USP10: variants seen among roughly 807,000 people sequenced by gnomAD.
USP10 encodes ubiquitin specific peptidase 10, also known as ubiquitin carboxyl-terminal hydrolase 10.
Under a neutral mutation model 84.5 loss-of-function variants are expected in USP10, and 22 were observed. That is an observed-to-expected ratio of 0.26 (90% CI 0.19 to 0.37). The LOEUF (loss-of-function observed/expected upper bound fraction) is 0.37. USP10 is among the 10% of genes least tolerant of loss of function. USP10 has a pLI of 1.00. For missense variants in USP10, 1,019 were observed against 998.9 expected, an observed-to-expected ratio of 1.02 and a Z score of -0.27; for synonymous variants, 454 against 387.6, an observed-to-expected ratio of 1.17 and a Z score of -2.01.
chr16:84,764,932 A>AGAGG (rs1555548042), intron 10 of USP10, among the ~76,000 whole-genome samples: 5 of 130,214 alleles, frequency 3.8e-5, no homozygotes, highest in African/African-American at 8.7e-5. Flanking sequence ...AGAGAGAGAG[A>AGAGG]AAAAAAAATA....
intron 1 of USP10, among the ~76,000 whole-genome samples, chr16:84,702,140 T>C (rs952177401): frequency 7.5e-6 from 1 of 133,672 alleles, no homozygotes; most frequent in Non-Finnish European, 1.5e-5. Context: ...CACTGCAACC[T>C]CTGCCTCCCG....
chr16:84,773,266 G>A (rs1379319674), intron 12 of USP10, among the ~76,000 whole-genome samples: 9 of 152,192 alleles, frequency 5.9e-5, no homozygotes, highest in Non-Finnish European at 1.0e-4. Flanking sequence ...TTGTGAAAAC[G>A]TATAGTACAA....
intron 12 of USP10, among the ~76,000 whole-genome samples, chr16:84,774,558 C>T (rs932893712): frequency 5.3e-5 from 8 of 152,074 alleles, no homozygotes; most frequent in Admixed American, 4.6e-4. Flanking sequence ...GCAACCTCTG[C>T]CTCCCGGGTT....
Position 84,764,939 on chromosome 16 carries a change from A to AATAT in USP10, c.1832+689_1832+692dup, listed in dbSNP as rs1555548056. Among the ~76,000 whole-genome samples, 414 of 132,264 alleles carry AATAT rather than the reference A, an allele frequency of 3.1e-3. 3 individuals are homozygous for AATAT. Among genetic ancestry groups the AATAT allele is most frequent in the African/African-American group, 0.011 (401 of 35,596 alleles). The allele number at this position is 132,264 out of a possible 152,430, so 86.8% of individuals were successfully genotyped here. The stretch of plus-strand genomic sequence containing the variant: ...TAACCACGAGAGAGAGAGAAAAAAA[A>AATAT]ATATATATATATATATTAGACTTCA... On this transcript the variant is annotated intron_variant, in intron 10 of 13. Transcript: ENST00000219473.
intron 1 of USP10, among the ~76,000 whole-genome samples, chr16:84,713,589 A>C (rs1272362240): frequency 6.6e-6 from 1 of 152,174 alleles, no homozygotes; most frequent in African/African-American, 2.4e-5. Flanking sequence ...TGGGGCCCCT[A>C]GTCCTAGAAT....
chr16:84,751,752 G>T (rs1288115385), intron 4 of USP10, among the ~76,000 whole-genome samples: 2 of 152,158 alleles, frequency 1.3e-5, no homozygotes, highest in Non-Finnish European at 2.9e-5. Context: ...AGAAAAGCAG[G>T]TCAACAACAC....
chr16:84,732,444 C>CTTCTT, intron 1 of USP10: 2 of 318,018 alleles, frequency 6.3e-6, no homozygotes, highest in South Asian at 2.4e-5. Flanking sequence ...TCTTCTTCTT[C>CTTCTT]TTTTTTTTTT....
In USP10 at chr16:84,758,804, T is replaced by C. The variant is rs1222988159; in HGVS notation, c.1281T>C (p.Asn427=). 6.2e-7 allele frequency: 1 copy of C among 1,612,078 alleles called. No homozygotes were observed. Among genetic ancestry groups the C allele is most frequent in the Non-Finnish European group, 8.5e-7 (1 of 1,178,224 alleles). ...ATAAAGGGAACTGGTGCTACATTAA[T>C]GCTGTATCCTTCCTGGACGCCGTCC... is the stretch of plus-strand genomic sequence containing the variant. The part of the protein sequence containing the change: ...LINKGNWCYI[N]ATLQALVACP... Residue 427 remains asparagine, a synonymous_variant, in exon 5 of 14, where the codon AAT becomes AAC. Coordinates refer to ENST00000219473, the MANE Select transcript of USP10 (RefSeq NM_005153.3).
chr16:84,751,538 G>A (rs897285179), intron 4 of USP10, among the ~76,000 whole-genome samples: 4 of 152,186 alleles, frequency 2.6e-5, no homozygotes, highest in South Asian at 2.1e-4. Flanking sequence ...CATCTGATTC[G>A]ATGTTTGTAG....
chr16:84,724,266 A>G (rs1295813887), intron 1 of USP10, among the ~76,000 whole-genome samples: 2 of 152,200 alleles, frequency 1.3e-5, no homozygotes, highest in African/African-American at 2.4e-5. Context: ...TGTTAAGTGA[A>G]TCATGTTTTC....
At chr16:84,758,927 G>A (rs1597378990) in intron 5 of USP10, 120 bp downstream of exon 5, 1 of 738,508 alleles carries the variant, frequency 1.4e-6, no homozygotes, top group Non-Finnish European at 2.4e-6. Flanking sequence ...CCCTAAGTCT[G>A]GTTTATTACT....
chr16:84,757,328 A>G (rs534369948), intron 4 of USP10, among the ~76,000 whole-genome samples: 2 of 152,064 alleles, frequency 1.3e-5, no homozygotes, highest in African/African-American at 4.8e-5. Context: ...GCTAGCAGAA[A>G]TTATTCCCTA....
At chr16:84,700,191 C>G in intron 1 of USP10, 80 bp downstream of exon 1, 22 of 1,090,476 alleles carry the variant, frequency 2.0e-5, no homozygotes, top group Non-Finnish European at 2.2e-5. Context: ...GGCGTCCGCG[C>G]CCTGCCCGGA....
chr16:84,705,405 G>C (rs1443324723), intron 1 of USP10, among the ~76,000 whole-genome samples: 2 of 151,902 alleles, frequency 1.3e-5, no homozygotes, highest in Admixed American at 6.6e-5. Context: ...CTAATTGTTT[G>C]TATTTTTAGT....
chr16:84,720,547 A>G (rs868737166), intron 1 of USP10, among the ~76,000 whole-genome samples: 5 of 149,454 alleles, frequency 3.3e-5, no homozygotes, highest in Non-Finnish European at 1.5e-5. Context: ...TAAATTGAAA[A>G]CAGATGCAGA....
At chr16:84,763,230 T>C in intron 9 of USP10, 142 bp downstream of exon 9, 1 of 487,734 alleles carries the variant, frequency 2.1e-6, no homozygotes. Context: ...ACTTACACCA[T>C]CGAGAAGGTT....
intron 1 of USP10, among the ~76,000 whole-genome samples, chr16:84,701,220 G>C (rs1358933271): frequency 6.6e-6 from 1 of 152,196 alleles, no homozygotes; most frequent in Admixed American, 6.5e-5. Context: ...TAATGAATGC[G>C]TGTTGTGGAA....
At chr16:84,704,390 A>G (rs1181124221) in intron 1 of USP10, among the ~76,000 whole-genome samples, 2 of 152,240 alleles carry the variant, frequency 1.3e-5, no homozygotes, top group African/African-American at 4.8e-5. Flanking sequence ...CGCACAAAAC[A>G]GATAAATCTG....
intron 1 of USP10, among the ~76,000 whole-genome samples, chr16:84,707,829 A>G (rs569219109): frequency 6.6e-6 from 1 of 152,130 alleles, no homozygotes; most frequent in Non-Finnish European, 1.5e-5. Flanking sequence ...CTGTAATCCC[A>G]GCACTTTGGG....
Sources: gnomAD v4.1 joint callset for allele counts (sites outside exome capture counted in the v4.1 genomes callset) on GRCh38, gnomAD v4.1.1 for gene constraint, MANE v1.5 for transcripts, NCBI Gene and HGNC (gene_info 2026-07-23, HGNC 2026-07-21) for gene names.